ADGRE1: variants seen among roughly 807,000 people sequenced by gnomAD.
The protein encoded by ADGRE1 is adhesion G protein-coupled receptor E1, also known as EGF-like module receptor 1.
Under a neutral mutation model 102.7 loss-of-function variants are expected in ADGRE1, and 82 were observed. That is an observed-to-expected ratio of 0.80 (90% confidence interval 0.67 to 0.96). The LOEUF is 0.96. Among genes scored for constraint, ADGRE1 ranks in the 40% least tolerant of loss-of-function variants. ADGRE1 has a pLI of 0.00. For synonymous variants in ADGRE1, 398 were observed against 399.6 expected, an observed-to-expected ratio of 1.00 and a Z score of 0.05; for missense variants, 1,032 against 1,085.3, an observed-to-expected ratio of 0.95 and a Z score of 0.69.
chr19:6,889,711 GGAAA>G (rs1484521613), intron 1 of ADGRE1, among the ~76,000 whole-genome samples: 2 of 124,194 alleles, frequency 1.6e-5, no homozygotes, highest in Non-Finnish European at 3.4e-5. Flanking sequence ...AAAAAAAAAA[GGAAA>G]GAAAAACGAA....
chr19:6,909,144 A>AAAAG (rs1476635960), intron 10 of ADGRE1, among the ~76,000 whole-genome samples: 1 of 152,106 alleles, frequency 6.6e-6, no homozygotes. Context: ...AAAAAAAAAA[A>AAAAG]AAAGAAAGAA....
chr19:6,911,259 A>G (rs1159918316), intron 10 of ADGRE1, among the ~76,000 whole-genome samples: 11 of 151,978 alleles, frequency 7.2e-5, no homozygotes, highest in African/African-American at 2.7e-4. Context: ...TCCTTTTATC[A>G]TCTAATTTGG....
chr19:6,909,427 G>A (rs1197006476), intron 10 of ADGRE1, among the ~76,000 whole-genome samples: 1 of 152,072 alleles, frequency 6.6e-6, no homozygotes, highest in Non-Finnish European at 1.5e-5. Flanking sequence ...TGTCACCAGA[G>A]TTTTGTCTTT....
At chr19:6,903,437 G>T (rs1973839822) in intron 6 of ADGRE1, among the ~76,000 whole-genome samples, 2 of 152,120 alleles carry the variant, frequency 1.3e-5, no homozygotes, top group Non-Finnish European at 2.9e-5. Context: ...ATTCAATATG[G>T]ATATACCTGG....
intron 18 of ADGRE1, 72 bp downstream of exon 18, chr19:6,935,150 C>A: frequency 8.1e-7 from 1 of 1,238,346 alleles, no homozygotes; most frequent in Non-Finnish European, 1.1e-6. Flanking sequence ...TCTTTGAGCA[C>A]TTCTTGTGTG....
At chr19:6,933,385 CT>C (rs34493324) in intron 17 of ADGRE1, among the ~76,000 whole-genome samples, 27,354 of 129,764 alleles carry the variant, frequency 0.21, 2,339 homozygotes, top group Non-Finnish European at 0.23. Flanking sequence ...AGTGTGAAGA[CT>C]TTTTTTTTTT....
rs764483696 is a variant in ADGRE1 at position 6,924,683 on chromosome 19, C to T, written c.1797C>T (p.Asp599=). ...VIMASGELTM[D]FSLYIISHVG... ...CTGAAATTCCTTCCTGACAGATGGA[C>T]TTTTCCTTGTACATCATTAGCCATG... The change falls in exon 15 of 21, where the codon GAC becomes GAT. Residue 599 remains aspartate (D), a synonymous_variant. Coordinates refer to ENST00000312053, the MANE Select transcript of ADGRE1 (RefSeq NM_001974.5). 1.1e-5 allele frequency: 18 copies of T among 1,613,676 alleles called. No homozygotes were observed. Among genetic ancestry groups the T allele is most frequent in the East Asian group, 2.2e-5 (1 of 44,876 alleles).
At chr19:6,921,437 C>A (rs941435059) in intron 13 of ADGRE1, among the ~76,000 whole-genome samples, 1 of 152,094 alleles carries the variant, frequency 6.6e-6, no homozygotes, top group Admixed American at 6.6e-5. Context: ...CACACACAAA[C>A]CACACATTCA....
chr19:6,927,305 C>CTCCCTTCCTCCCTTCCTTCCCTTCCT (rs79666426), intron 16 of ADGRE1, among the ~76,000 whole-genome samples: 1 of 138,868 alleles, frequency 7.2e-6, no homozygotes, highest in Non-Finnish European at 1.5e-5. Flanking sequence ...CCCTCTCTTC[C>CTCCCTTCCTCCCTTCCTTCCCTTCCT]TCCCTTCCTC....
At position 6,935,660 on chromosome 19, in the gene ADGRE1, C is replaced by T. The variant is rs1975372029; in HGVS notation, c.2381+582C>T. Among the ~76,000 whole-genome samples the T allele has an allele frequency of 2.0e-5, 3 of 152,220 alleles. 1 individual carries two copies. In the South Asian group the frequency reaches 6.2e-4, roughly 32 times the overall value. ...TTTGTTCTCTGTATAAACAATACTG[C>T]CTTGAGCACCCTTGTAGGTAAATCC... On this transcript the variant is annotated intron_variant, in intron 18 of 20. Coordinates refer to ENST00000312053, the MANE Select transcript of ADGRE1 (RefSeq NM_001974.5).
chr19:6,937,208 C>T, intron 18 of ADGRE1, 35 bp from the exon 19 acceptor site: 1 of 1,593,630 alleles, frequency 6.3e-7, no homozygotes, highest in South Asian at 1.1e-5. Flanking sequence ...ATAGCCACCT[C>T]CCAGAGCCTT....
At chr19:6,926,251 T>C (rs1451068684) in intron 15 of ADGRE1, 115 bp from the exon 16 acceptor site, 1 of 1,093,058 alleles carries the variant, frequency 9.1e-7, no homozygotes, top group East Asian at 2.6e-5. Context: ...GTTTGTGAGA[T>C]GAATGAGTGA....
At chr19:6,901,359 T>C (rs759644357) in intron 5 of ADGRE1, among the ~76,000 whole-genome samples, 5 of 152,184 alleles carry the variant, frequency 3.3e-5, no homozygotes, top group Non-Finnish European at 7.4e-5. Context: ...CTTGTTCATA[T>C]GGCAGAGATC....
At chr19:6,919,442 CTGTGTGTGTGTGTGTGTG>C (rs149877096) in intron 12 of ADGRE1, 88 bp from the exon 13 acceptor site, 21 of 450,360 alleles carry the variant, frequency 4.7e-5, no homozygotes, top group Admixed American at 2.4e-4. Context: ...CTCCCTCCCT[CTGTGTGTGTGTGTGTGTG>C]TGTGTGTGTG....
chr19:6,896,349 C>G, intron 2 of ADGRE1, 49 bp from the exon 3 acceptor site: 1 of 1,585,490 alleles, frequency 6.3e-7, no homozygotes, highest in Non-Finnish European at 8.6e-7. Flanking sequence ...CTTGCAGCCT[C>G]ACTCTAATGC....
intron 10 of ADGRE1, among the ~76,000 whole-genome samples, chr19:6,911,901 A>G (rs531340897): frequency 1.6e-4 from 24 of 151,852 alleles, no homozygotes; most frequent in African/African-American, 5.8e-4. Context: ...TACACCCCAC[A>G]CACATTTACA....
intron 9 of ADGRE1, among the ~76,000 whole-genome samples, chr19:6,908,314 T>C (rs1974043693): frequency 6.6e-6 from 1 of 152,176 alleles, no homozygotes; most frequent in African/African-American, 2.4e-5. Context: ...TGGGTAAACC[T>C]CGTTCAAGGC....
intron 1 of ADGRE1, 60 bp from the exon 2 acceptor site, chr19:6,890,421 G>GGT: frequency 1.3e-5 from 6 of 450,560 alleles, no homozygotes; most frequent in Non-Finnish European, 1.3e-5. Context: ...AGCCCAAAAG[G>GGT]TTTTTTTTTT....
At chr19:6,900,029 G>A (rs958808193) in intron 5 of ADGRE1, among the ~76,000 whole-genome samples, 1 of 150,740 alleles carries the variant, frequency 6.6e-6, no homozygotes, top group Non-Finnish European at 1.5e-5. Flanking sequence ...AGGAGGCAGA[G>A]CTTGCAGTGA....
Sources: allele counts gnomAD v4.1 joint callset (sites outside exome capture counted in the v4.1 genomes callset), GRCh38; gene constraint gnomAD v4.1.1; transcripts MANE v1.5; gene names NCBI Gene and HGNC (gene_info 2026-07-23, HGNC 2026-07-21).